The following RTEL1 variants were observed in gnomAD, a reference collection of about 807,000 sequenced individuals.
The protein encoded by RTEL1 is regulator of telomere length.
A neutral mutation model predicts 162.2 loss-of-function variants in RTEL1; 86 were observed. That is an observed-to-expected ratio of 0.53 (90% confidence interval 0.45 to 0.63). The LOEUF (loss-of-function observed/expected upper bound fraction) is 0.63, where lower values mean the gene tolerates loss of function less well. Ranked by LOEUF, RTEL1 falls within the 30% of genes least tolerant of loss-of-function variation. The pLI, the probability that RTEL1 is intolerant of heterozygous loss-of-function variation, is 0.00. For missense variants in RTEL1, 1,941 were observed against 1,750.2 expected, an observed-to-expected ratio of 1.11 and a Z score of -1.95; for synonymous variants, 958 against 717.9, an observed-to-expected ratio of 1.33 and a Z score of -5.35.
Position 63,692,923 on chromosome 20 carries a change from G to T in RTEL1, c.2771G>T (p.Gly924Val). 6.2e-7 allele frequency: 1 copy of T among 1,612,654 alleles called. No individual in the cohort carries two copies. The highest frequency in any genetic ancestry group is 8.5e-7 in the Non-Finnish European group (1 of 1,179,856). The change falls in exon 29 of 35, where the codon GGT (glycine) becomes GTT (valine). Residue 924 changes from glycine to valine, a missense_variant. Coordinates refer to ENST00000360203, the MANE Select transcript of RTEL1 (RefSeq NM_001283009.2). ...TFTQALQDYK[G>V]SDDFAALAAC... ...ACCCAGGCCCTGCAGGACTACAAGG[G>T]TTCCGATGACTTCGCCGCCCTGGCC...
chr20:63,688,884 C>A, intron 21 of RTEL1, 171 bp from the exon 22 acceptor site: 1 of 711,774 alleles, frequency 1.4e-6, no homozygotes, highest in Admixed American at 2.4e-5. Context: ...AAGCACTGAG[C>A]AGGCGTGGGG....
chr20:63,689,170 C>T (rs1488035556), intron 22 of RTEL1, 38 bp downstream of exon 22: 4 of 1,588,478 alleles, frequency 2.5e-6, no homozygotes, highest in African/African-American at 1.3e-5. Flanking sequence ...ACCTGGTTGC[C>T]TGTTCCCTGG....
rs766435400 is a variant in RTEL1 at position 63,693,159 on chromosome 20, G to A, written c.2868G>A (p.Val956=). 2.5e-6 allele frequency: 4 copies of A among 1,612,068 alleles called. No individual in the cohort carries two copies. The highest frequency in any genetic ancestry group is 3.3e-4 in the Middle Eastern group (2 of 6,080). Reference sequence around the variant, plus strand: ...CCTCTACAGGCTTCTACCAGTTTGTGCGGCCCCACCATAAGCAGCAGTTTG... The same window carrying A: ...CCTCTACAGGCTTCTACCAGTTTGTACGGCCCCACCATAAGCAGCAGTTTG... The part of the protein sequence containing the change: ...HNLLQGFYQF[V]RPHHKQQFEE... The change falls in exon 30 of 35, where the codon GTG becomes GTA. Residue 956 remains valine (V), a synonymous_variant. Transcript: ENST00000360203.
chr20:63,672,865 G>T (rs772517033), intron 9 of RTEL1, among the ~76,000 whole-genome samples: 1 of 152,206 alleles, frequency 6.6e-6, no homozygotes, highest in Non-Finnish European at 1.5e-5. Flanking sequence ...CCCACAGGCC[G>T]CTCACCAGAC....
chr20:63,692,436 C>A lies in RTEL1; in HGVS notation c.2653-369C>A. On this transcript the variant is annotated intron_variant, in intron 28 of 34. Coordinates refer to ENST00000360203, the MANE Select transcript of RTEL1 (RefSeq NM_001283009.2). ...GATGGGCACTGCTCATCCGGAAGCC[C>A]CTCCTTGTGCGCTGCCATCCTGGGA... 3 of 335,188 alleles carry A rather than the reference C, an allele frequency of 9.0e-6. No homozygotes were observed. The South Asian group carries it at 9.8e-5, about 11-fold the overall frequency. 20.8% of individuals were successfully genotyped at this position (335,188 alleles called of 1,614,324 possible).
intron 4 of RTEL1, 89 bp downstream of exon 4, chr20:63,662,032 G>C (rs1305099455): frequency 9.0e-6 from 9 of 996,638 alleles, no homozygotes; most frequent in Non-Finnish European, 1.4e-5. Context: ...GCTGTGCTGT[G>C]GTGGAGGGTG....
chr20:63,676,909 T>TA (rs1555902402), intron 10 of RTEL1, among the ~76,000 whole-genome samples: 6 of 152,020 alleles, frequency 3.9e-5, no homozygotes, highest in Admixed American at 6.5e-5. Flanking sequence ...CACTCCAGCC[T>TA]GGCGACAGAG....
At chr20:63,688,084 G>C in intron 18 of RTEL1, 34 bp downstream of exon 18, 1 of 1,612,138 alleles carries the variant, frequency 6.2e-7, no homozygotes. Flanking sequence ...GCTGGGGTGG[G>C]AGGTGGGGGA....
At chr20:63,692,505 GGAGA>G in intron 28 of RTEL1, 1 of 474,418 alleles carries the variant, frequency 2.1e-6, no homozygotes, top group South Asian at 2.4e-5. Flanking sequence ...TGAGGGAGGA[GGAGA>G]GAGACGGGCC....
chr20:63,682,562 C>T lies in RTEL1; in HGVS notation c.1191+1843C>T, dbSNP rs183933751. 7.0e-4 allele frequency: 692 copies of T among 985,908 alleles called. 4 individuals carry two copies. The African/African-American group carries it at 0.01, about 15-fold the overall frequency. The allele number at this position is 985,908 out of a possible 1,614,324, so 61.1% of individuals were successfully genotyped here. A position where few individuals can be genotyped will look rare whatever the true frequency, so the allele number is the denominator to read the frequency against. On this transcript the variant is annotated intron_variant, in intron 14 of 34. Transcript: ENST00000360203. Reference sequence around the variant, plus strand: ...TCCTTTGGCTGCTGCTCTAAGTAGCCGCTGGTGGATGACTCAGCTTCTGCC... The same window carrying T: ...TCCTTTGGCTGCTGCTCTAAGTAGCTGCTGGTGGATGACTCAGCTTCTGCC...
chr20:63,664,175 C>T (rs952353940), intron 6 of RTEL1, among the ~76,000 whole-genome samples: 8 of 152,190 alleles, frequency 5.3e-5, no homozygotes, highest in African/African-American at 9.7e-5. Context: ...CGGCTCGTCC[C>T]GGTGATGCCT....
At position 63,689,559 on chromosome 20, in the gene RTEL1, C is replaced by T. The variant is rs1323023332; in HGVS notation, c.1936C>T (p.Leu646Phe). Residue 646 changes from leucine to phenylalanine, a missense_variant, in exon 23 of 35, where the codon CTC becomes TTC. Transcript: ENST00000360203. ...TGGCCGTGGTGTGATTGTCACGGGCCTCCCGTACCCCCCACGCATGGACCC... is the reference window on the plus strand; with the variant it reads ...TGGCCGTGGTGTGATTGTCACGGGCTTCCCGTACCCCCCACGCATGGACCC... Reference protein sequence around the residue: ...TNGRGVIVTGLPYPPRMDPRV... With the variant: ...TNGRGVIVTGFPYPPRMDPRV... 7 of 1,611,638 alleles carry T rather than the reference C, an allele frequency of 4.3e-6. No homozygotes were observed. The highest frequency in any genetic ancestry group is 2.7e-5 in the African/African-American group (2 of 74,926).
chr20:63,675,221 A>G (rs2146201839), intron 10 of RTEL1, among the ~76,000 whole-genome samples: 1 of 152,266 alleles, frequency 6.6e-6, no homozygotes, highest in East Asian at 1.9e-4. Context: ...CATATTTTCT[A>G]CATGGCTTCT....
At chr20:63,671,196 G>A (rs1425201264) in intron 8 of RTEL1, among the ~76,000 whole-genome samples, 2 of 152,116 alleles carry the variant, frequency 1.3e-5, no homozygotes, top group Non-Finnish European at 2.9e-5. Context: ...GAGTAGCTGG[G>A]ACTACAGGCA....
At chr20:63,675,057 A>G (rs3787100) in intron 10 of RTEL1, among the ~76,000 whole-genome samples, 123,239 of 152,114 alleles carry the variant, frequency 0.81, 51,090 homozygotes, top group African/African-American at 0.94. Context: ...ACAGGCGTGC[A>G]CCACCACGCC....
chr20:63,693,552 ACCTCCACCTCCACCACCT>A (rs2090860105), intron 30 of RTEL1, among the ~76,000 whole-genome samples: 1 of 37,672 alleles, frequency 2.7e-5, no homozygotes, highest in Admixed American at 3.3e-4. Flanking sequence ...CACCACCACC[ACCTCCACCTCCACCACCT>A]CCACCTCCAC....
At position 63,693,265 on chromosome 20, in the gene RTEL1, C is replaced by G; in HGVS notation, c.2974C>G (p.Pro992Ala). 1 of 1,611,862 alleles carries G rather than the reference C, an allele frequency of 6.2e-7. No homozygotes were observed. The highest frequency in any genetic ancestry group is 8.5e-7 in the Non-Finnish European group (1 of 1,179,420). Residue 992 changes from proline (P) to alanine (A), a missense_variant, in exon 30 of 35, where the codon CCG (proline) becomes GCG (alanine). Pro to Ala is a conservative substitution (Grantham distance 27). Transcript: ENST00000360203. The part of the protein sequence containing the change: ...HSIPRRQRAQ[P>A]VLDPTGRTAP... ...CATTCCCCGAAGGCAGCGGGCACAG[C>G]CGGTCCTGGACCCCACTGGTAAATG...
chr20:63,663,473 C>T (rs1283513582), intron 6 of RTEL1, among the ~76,000 whole-genome samples: 3 of 152,198 alleles, frequency 2.0e-5, no homozygotes, highest in East Asian at 1.9e-4. Flanking sequence ...AGGAGCCGGC[C>T]GGGGCAGCTT....
intron 23 of RTEL1, 32 bp downstream of exon 23, chr20:63,689,680 G>C: frequency 6.2e-7 from 1 of 1,606,288 alleles, no homozygotes; most frequent in Non-Finnish European, 8.5e-7. Flanking sequence ...CTGGGGTAAG[G>C]CGGTCTGGTG....
Sources: allele counts gnomAD v4.1 joint callset (sites outside exome capture counted in the v4.1 genomes callset), GRCh38; gene constraint gnomAD v4.1.1; transcripts MANE v1.5; gene names NCBI Gene and HGNC (gene_info 2026-07-23, HGNC 2026-07-21).